Variants in SPINK4 observed in about 807,000 individuals in gnomAD.
SPINK4 encodes the protein serine peptidase inhibitor Kazal type 4, also known as serine protease inhibitor Kazal-type 4.
A neutral mutation model predicts 12.3 loss-of-function variants in SPINK4; 10 were observed. The observed-to-expected ratio is 0.81, with a 90% CI of 0.50 to 1.37. SPINK4 has a LOEUF of 1.37. Ranked by LOEUF, SPINK4 falls within the 40% of genes most tolerant of loss-of-function variation. The pLI, the probability that SPINK4 is intolerant of heterozygous loss-of-function variation, is 0.00. For synonymous variants in SPINK4, 37 were observed against 40.2 expected (o/e 0.92, Z 0.30); for missense variants, 91 against 109.0 (o/e 0.84, Z 0.73).
At chr9:33,248,204 G>A in intron 3 of SPINK4, 1 of 567,678 alleles carries the variant, frequency 1.8e-6, no homozygotes. Context: ...GTGCGCTGGT[G>A]GTGGAAACCC....
At chr9:33,242,125 G>A (rs1820241267) in intron 1 of SPINK4, among the ~76,000 whole-genome samples, 1 of 152,152 alleles carries the variant, frequency 6.6e-6, no homozygotes, top group African/African-American at 2.4e-5. Flanking sequence ...AGATTTGCCC[G>A]CCTCGGCTTC....
chr9:33,246,079 G>A (rs1820282191), intron 2 of SPINK4, among the ~76,000 whole-genome samples: 3 of 152,130 alleles, frequency 2.0e-5, no homozygotes, highest in Admixed American at 1.3e-4. Flanking sequence ...CCTCAATTAA[G>A]CCCCAAGCTC....
intron 1 of SPINK4, among the ~76,000 whole-genome samples, chr9:33,242,835 CTA>C (rs961559176): frequency 6.6e-6 from 1 of 151,040 alleles, no homozygotes; most frequent in Non-Finnish European, 1.5e-5. Context: ...AGAAATTCCC[CTA>C]TGTCAGTCAA....
intron 3 of SPINK4, among the ~76,000 whole-genome samples, chr9:33,247,498 G>C (rs1820298534): frequency 6.6e-6 from 1 of 152,048 alleles, no homozygotes. Flanking sequence ...GATCAGTGGG[G>C]CACACAGGAA....
Position 33,244,569 on chromosome 9 carries a change from A to G in SPINK4, c.62-543A>G, listed in dbSNP as rs1196679564. ...CATGGGATATGGGCTGTTCCTGGGT[A>G]GTGGATGCAGCCCTGGGCAAGGCAG... is the stretch of plus-strand genomic sequence containing the variant. On this transcript the variant is annotated intron_variant, in intron 1 of 3. Coordinates refer to ENST00000379721, the MANE Select transcript of SPINK4 (RefSeq NM_014471.3). Among the ~76,000 whole-genome samples, 3 of 152,126 alleles carry G rather than the reference A, an allele frequency of 2.0e-5. No homozygotes were observed. In the East Asian group the frequency reaches 5.8e-4, roughly 29 times the overall value.
At chr9:33,246,053 A>G (rs1256186722) in intron 2 of SPINK4, among the ~76,000 whole-genome samples, 2 of 152,158 alleles carry the variant, frequency 1.3e-5, no homozygotes, top group African/African-American at 2.4e-5. Context: ...GCCTGTCCTA[A>G]AACCCTTTCA....
intron 1 of SPINK4, among the ~76,000 whole-genome samples, chr9:33,241,212 T>G (rs1225952378): frequency 1.3e-5 from 2 of 152,056 alleles, no homozygotes; most frequent in African/African-American, 4.8e-5. Flanking sequence ...AAGACCAGTG[T>G]GGCAGGAGGG....
At chr9:33,246,321 C>A (rs1564074158) in intron 2 of SPINK4, among the ~76,000 whole-genome samples, 1 of 152,124 alleles carries the variant, frequency 6.6e-6, no homozygotes. Context: ...TCACTCCACA[C>A]ACATAGACAT....
At chr9:33,241,793 C>T (rs1182977550) in intron 1 of SPINK4, among the ~76,000 whole-genome samples, 1 of 152,138 alleles carries the variant, frequency 6.6e-6, no homozygotes, top group Non-Finnish European at 1.5e-5. Context: ...TGTAGCTTTT[C>T]CCCACATCCC....
At chr9:33,242,436 A>G (rs976851050) in intron 1 of SPINK4, among the ~76,000 whole-genome samples, 1 of 128,310 alleles carries the variant, frequency 7.8e-6, no homozygotes, top group African/African-American at 4.1e-5. Context: ...AAGACATTTC[A>G]GGGAGGGGAC....
At chr9:33,244,328 A>T (rs1055748174) in intron 1 of SPINK4, among the ~76,000 whole-genome samples, 46 of 152,084 alleles carry the variant, frequency 3.0e-4, no homozygotes, top group African/African-American at 1.1e-3. Flanking sequence ...GCATTGCGTC[A>T]CCTCTTTGAG....
chr9:33,242,483 G>A (rs905101113), intron 1 of SPINK4, among the ~76,000 whole-genome samples: 4 of 152,122 alleles, frequency 2.6e-5, no homozygotes, highest in Middle Eastern at 3.2e-3. Flanking sequence ...TCTAGGACCC[G>A]TGAGCAGAGA....
chr9:33,248,015 C>T, intron 3 of SPINK4: 1 of 184,024 alleles, frequency 5.4e-6, no homozygotes, highest in Non-Finnish European at 1.1e-5. Flanking sequence ...GATTTGTGGG[C>T]TTGGGTGGCC....
At chr9:33,246,758 T>A in intron 3 of SPINK4, 30 bp downstream of exon 3, 1 of 1,587,660 alleles carries the variant, frequency 6.3e-7, no homozygotes, top group Non-Finnish European at 8.6e-7. Flanking sequence ...CCTGCTTGCT[T>A]GGGTGGGCCC....
chr9:33,246,795 G>GCAGGT, intron 3 of SPINK4, 67 bp downstream of exon 3: 2 of 1,422,262 alleles, frequency 1.4e-6, no homozygotes, highest in Non-Finnish European at 2.0e-6. Context: ...TCTGAAAGGA[G>GCAGGT]CAAGACTTGA....
intron 1 of SPINK4, among the ~76,000 whole-genome samples, chr9:33,242,744 C>G (rs775954763): frequency 6.6e-6 from 1 of 152,052 alleles, no homozygotes; most frequent in Non-Finnish European, 1.5e-5. Context: ...CTCGTGTAAC[C>G]CAAACCCCCA....
At chr9:33,245,252 C>T (rs777040444) in intron 2 of SPINK4, 100 bp downstream of exon 2, 258 of 1,319,078 alleles carry the variant, frequency 2.0e-4, no homozygotes, top group Non-Finnish European at 2.4e-4. Flanking sequence ...CCTGCTCAGA[C>T]ACCTTCAATG....
intron 2 of SPINK4, among the ~76,000 whole-genome samples, chr9:33,245,373 T>C (rs1820275188): frequency 6.6e-6 from 1 of 152,134 alleles, no homozygotes; most frequent in Non-Finnish European, 1.5e-5. Context: ...CTCAAAGCCC[T>C]TATGATGTCC....
intron 3 of SPINK4, 106 bp from the exon 4 acceptor site, chr9:33,248,320 T>C (rs1245534627): frequency 2.5e-5 from 29 of 1,163,260 alleles, no homozygotes; most frequent in East Asian, 4.8e-5. Flanking sequence ...ACACTGCATA[T>C]GTGGGCGACG....
Sources: gnomAD v4.1 joint callset for allele counts (sites outside exome capture counted in the v4.1 genomes callset) on GRCh38, gnomAD v4.1.1 for gene constraint, MANE v1.5 for transcripts, NCBI Gene and HGNC (gene_info 2026-07-23, HGNC 2026-07-21) for gene names.